The following CEP170B variants were observed in gnomAD, a reference collection of about 807,000 sequenced individuals.
CEP170B encodes centrosomal protein of 170 kDa protein B.
In CEP170B, 55 loss-of-function variants were observed where a neutral mutation model predicts 120.6. That is an observed-to-expected ratio of 0.46 (90% CI 0.37 to 0.57). CEP170B has a LOEUF of 0.57. Among genes scored for constraint, CEP170B ranks in the 20% least tolerant of loss-of-function variants. The pLI, the probability that CEP170B is intolerant of heterozygous loss-of-function variation, is 0.00. For missense variants in CEP170B, 2,212 were observed against 2,253.3 expected, an observed-to-expected ratio of 0.98 and a Z score of 0.37; for synonymous variants, 1,033 against 954.5, an observed-to-expected ratio of 1.08 and a Z score of -1.52.
chr14:104,884,371 C>T lies in CEP170B; in HGVS notation c.1592C>T (p.Thr531Ile), dbSNP rs1194613726. 12 of 1,546,388 alleles carry T rather than the reference C, an allele frequency of 7.8e-6. No homozygotes were observed. Among genetic ancestry groups the T allele is most frequent in the Non-Finnish European group, 1.0e-5 (12 of 1,146,042 alleles). ...CCTCCGGTGCTGCCCGCTCCCCTGA[C>T]ACCCCATGGGACCAGCCCCGTGGGC... ...KVPPVLPAPL[T>I]PHGTSPVGPP... The change falls in exon 9 of 19, where the codon ACA (threonine) becomes ATA (isoleucine). Residue 531 changes from threonine (T) to isoleucine (I), a missense_variant. Around this residue, in one of 2 missense-constraint regions of CEP170B, gnomAD observed 2,166 missense variants for 2,166.7 expected, o/e 1.00. Transcript: ENST00000414716.
At chr14:104,892,875 C>A in intron 13 of CEP170B, 101 bp from the exon 14 acceptor site, 1 of 1,341,690 alleles carries the variant, frequency 7.5e-7, no homozygotes, top group Non-Finnish European at 1.0e-6. Context: ...CACCTCTGGC[C>A]AGCAGCTGCC....
intron 11 of CEP170B, 52 bp from the exon 12 acceptor site, chr14:104,886,223 G>A: frequency 6.8e-7 from 1 of 1,474,804 alleles, no homozygotes; most frequent in South Asian, 1.3e-5. Context: ...TCCTGAGCGT[G>A]GAGGGCCTGC....
At position 104,887,588 on chromosome 14, in the gene CEP170B, A is replaced by G; in HGVS notation, c.3349A>G (p.Thr1117Ala). 5 of 1,586,018 alleles carry G rather than the reference A, an allele frequency of 3.2e-6. No homozygotes were observed. The highest frequency in any genetic ancestry group is 4.3e-6 in the Non-Finnish European group (5 of 1,167,800). The stretch of plus-strand genomic sequence containing the variant: ...CTTGACCCGCTCCAACAGCCTGTCC[A>G]CCCCTCGCCCCACACGGGCCTCCCG... Reference protein sequence around the residue: ...QALTRSNSLSTPRPTRASRLR... With the variant: ...QALTRSNSLSAPRPTRASRLR... The change falls in exon 12 of 19, where the codon ACC becomes GCC. Residue 1117 changes from threonine (T) to alanine (A), a missense_variant. By Grantham distance (58) the Thr-to-Ala change is moderately conservative. Coordinates refer to ENST00000414716, the MANE Select transcript of CEP170B (RefSeq NM_001112726.3).
rs920287635 is a variant in CEP170B at position 104,868,486 on chromosome 14, C to T, written c.36C>T (p.Ser12=). ...SATSWFLVSS[S]GARHRLPREL... is the part of the protein sequence containing the mutation. Reference sequence around the variant, plus strand: ...CGTCCTGGTTCCTGGTGAGCAGCAGCGGCGCCCGCCACCGGCTCCCTCGGG... The same window carrying T: ...CGTCCTGGTTCCTGGTGAGCAGCAGTGGCGCCCGCCACCGGCTCCCTCGGG... Residue 12 remains serine, a synonymous_variant, in exon 2 of 19, where the codon AGC becomes AGT. Transcript: ENST00000414716. The surrounding 1 kb of genome is among the most constrained non-coding windows in gnomAD (Gnocchi z 5.9). 5 of 1,549,206 alleles carry T rather than the reference C, an allele frequency of 3.2e-6. No individual in the cohort carries two copies. Among genetic ancestry groups the T allele is most frequent in the East Asian group, 2.4e-5 (1 of 40,916 alleles).
intron 14 of CEP170B, 104 bp from the exon 15 acceptor site, chr14:104,893,419 G>A: frequency 7.3e-7 from 1 of 1,378,162 alleles, no homozygotes; most frequent in Non-Finnish European, 9.9e-7. Flanking sequence ...CAGACGGAAG[G>A]TGGGTGTGCT....
chr14:104,869,784 T>A (rs975885138), intron 2 of CEP170B, among the ~76,000 whole-genome samples: 10 of 152,234 alleles, frequency 6.6e-5, no homozygotes, highest in African/African-American at 1.9e-4. Context: ...GACAGGGCCC[T>A]CTCCAGACAC....
rs1555390695 is a variant in CEP170B, at chr14:104,872,480, C to CCGT, written c.106-3776_106-3775insCGT. On this transcript the variant is annotated intron_variant, in intron 2 of 18. Coordinates refer to ENST00000414716, the MANE Select transcript of CEP170B (RefSeq NM_001112726.3). The stretch of plus-strand genomic sequence containing the variant: ...TGCGTGTGGGTGTGCCGTGTGTGTG[C>CCGT]GTGTGTGCCGTGTGTGTGTGCGTGT... Among the ~76,000 whole-genome samples, 20 of 73,436 alleles carry CCGT rather than the reference C, an allele frequency of 2.7e-4. 1 individual carries two copies. Among genetic ancestry groups the CCGT allele is most frequent in the African/African-American group, 1.5e-3 (20 of 13,592 alleles). 48.2% of individuals were successfully genotyped at this position (73,436 alleles called of 152,430 possible).
Position 104,887,051 on chromosome 14 carries a change from GA to G in CEP170B, c.2813del (p.Glu938GlyfsTer94). 1 of 1,611,472 alleles carries G rather than the reference GA, an allele frequency of 6.2e-7. No individual in the cohort carries two copies. Among genetic ancestry groups the G allele is most frequent in the Non-Finnish European group, 8.5e-7 (1 of 1,179,812 alleles). On this transcript the variant is annotated frameshift_variant, in exon 12 of 19. Transcript: ENST00000414716. LOFTEE classifies it high-confidence loss of function. ...CTCTAATTCTGTGGATGCCGAGTGT[GA>G]GGGGGGCAGCACCCCGAGGCCGCCG... Reference protein sequence around the residue: ...LLSNSVDAECEGGSTPRPPED... With the variant: ...LLSNSVDAECXGGSTPRPPED...
chr14:104,872,493 T>C (rs1436542072), intron 2 of CEP170B, among the ~76,000 whole-genome samples: 46 of 80,474 alleles, frequency 5.7e-4, no homozygotes, highest in African/African-American at 1.4e-3. Flanking sequence ...GTGTGCCGTG[T>C]GTGTGTGCGT....
intron 14 of CEP170B, 34 bp from the exon 15 acceptor site, chr14:104,893,489 C>T: frequency 6.3e-7 from 1 of 1,582,196 alleles, no homozygotes; most frequent in Non-Finnish European, 8.6e-7. Context: ...GAGCCTCTGC[C>T]TGGGGCCCAC....
rs1895292525 is a variant in CEP170B, at chr14:104,868,300, C to T, written c.-27-124C>T. The T allele has an allele frequency of 1.5e-6, 1 of 682,026 alleles. No individual in the cohort carries two copies. The highest frequency in any genetic ancestry group is 1.9e-5 in the South Asian group (1 of 52,298). The allele number at this position is 682,026 out of a possible 1,614,324, so 42.2% of individuals were successfully genotyped here. A position where few individuals can be genotyped will look rare whatever the true frequency, so the allele number is the denominator to read the frequency against. The stretch of plus-strand genomic sequence containing the variant: ...GGCGGGTGGCCTGATGAGGCTGGAG[C>T]CCAGCTTCTCCGGAAGCTGCCAGCT... On this transcript the variant is annotated intron_variant, in intron 1 of 18. Coordinates refer to ENST00000414716, the MANE Select transcript of CEP170B (RefSeq NM_001112726.3). This position sits in a 1 kb window ranked among gnomAD's most constrained non-coding sequence, Gnocchi z 5.9.
At position 104,893,507 on chromosome 14, in the gene CEP170B, G is replaced by A. The variant is rs1394861647; in HGVS notation, c.4039-16G>A. ...CCTCTGCCTGGGGCCCACGGTGCCG[G>A]CCCTCCCTCTTGCAGCTGGTGCAGC... On this transcript the variant is annotated splice_polypyrimidine_tract_variant and intron_variant, in intron 14 of 18. Transcript: ENST00000414716. 1.3e-5 allele frequency: 20 copies of A among 1,597,538 alleles called. No individual in the cohort carries two copies. Among genetic ancestry groups the A allele is most frequent in the Non-Finnish European group, 1.6e-5 (19 of 1,173,950 alleles).
At position 104,886,951 on chromosome 14, in the gene CEP170B, C is replaced by T; in HGVS notation, c.2712C>T (p.Asp904=). ...DLAATRAARM[D]FHSQDTHLIL... Reference sequence around the variant, plus strand: ...CCGCTACCCGGGCCGCACGCATGGACTTCCACTCCCAGGACACCCACCTGA... The same window carrying T: ...CCGCTACCCGGGCCGCACGCATGGATTTCCACTCCCAGGACACCCACCTGA... Residue 904 remains aspartate, a synonymous_variant, in exon 12 of 19, where the codon GAC becomes GAT. Transcript: ENST00000414716. 3.1e-6 allele frequency: 5 copies of T among 1,608,802 alleles called. No individual in the cohort carries two copies. Among genetic ancestry groups the T allele is most frequent in the Non-Finnish European group, 4.2e-6 (5 of 1,179,800 alleles).
At chr14:104,866,998 G>A (rs776814201) in intron 1 of CEP170B, among the ~76,000 whole-genome samples, 6 of 152,178 alleles carry the variant, frequency 3.9e-5, no homozygotes, top group East Asian at 1.9e-4. Flanking sequence ...CTCTGGGGCC[G>A]GCCTCACAGG....
rs771212642 is a variant in CEP170B, at chr14:104,883,459, C to T, written c.1002C>T (p.Asp334=). 2 of 1,561,062 alleles carry T rather than the reference C, an allele frequency of 1.3e-6. No homozygotes were observed. Among genetic ancestry groups the T allele is most frequent in the Non-Finnish European group, 1.7e-6 (2 of 1,154,010 alleles). ...TGCACCGGGTTGGCCCTGGGGATGACCGCCACAGCACCAAGAGCGACCTGC... is the reference window on the plus strand; with the variant it reads ...TGCACCGGGTTGGCCCTGGGGATGATCGCCACAGCACCAAGAGCGACCTGC... The part of the protein sequence containing the change: ...SLLHRVGPGD[D]RHSTKSDLPV... The change falls in exon 8 of 19, where the codon GAC becomes GAT. Residue 334 remains aspartate (D), a synonymous_variant. Coordinates refer to ENST00000414716, the MANE Select transcript of CEP170B (RefSeq NM_001112726.3).
chr14:104,893,149 T>C lies in CEP170B; in HGVS notation c.4038+14T>C. The C allele has an allele frequency of 1.9e-6, 3 of 1,603,044 alleles. No homozygotes were observed. Among genetic ancestry groups the C allele is most frequent in the Non-Finnish European group, 2.6e-6 (3 of 1,175,910 alleles). ...GCCCGGGAGGAGGTGAGCCCCAGGC[T>C]TTCTGAGGCCCCTGTGCCAGAGCCA... On this transcript the variant is annotated intron_variant, in intron 14 of 18. Transcript: ENST00000414716.
In CEP170B at chr14:104,886,749, A is replaced by G. The variant is rs200187443; in HGVS notation, c.2510A>G (p.Tyr837Cys). 2.4e-5 allele frequency: 38 copies of G among 1,611,256 alleles called. No homozygotes were observed. In the East Asian group the frequency reaches 3.3e-4, roughly 14 times the overall value. ...AGCCCCCCAGCACGGGATGGCGTCTATGTCAGTGCCAATGGGAGAATGGTC... is the reference window on the plus strand; with the variant it reads ...AGCCCCCCAGCACGGGATGGCGTCTGTGTCAGTGCCAATGGGAGAATGGTC... ...QPSPPARDGV[Y>C]VSANGRMVIQ... is the part of the protein sequence containing the mutation. Residue 837 changes from tyrosine to cysteine, a missense_variant, in exon 12 of 19, where the codon TAT becomes TGT. By Grantham distance (194) the Tyr-to-Cys change is radical. Coordinates refer to ENST00000414716, the MANE Select transcript of CEP170B (RefSeq NM_001112726.3).
At chr14:104,878,818 C>T (rs1895996250) in intron 5 of CEP170B, among the ~76,000 whole-genome samples, 2 of 152,220 alleles carry the variant, frequency 1.3e-5, no homozygotes, top group African/African-American at 4.8e-5. Context: ...GCTGCATGGT[C>T]AGCCTGCTGG....
At position 104,865,362 on chromosome 14, in the gene CEP170B, C is replaced by T. The variant is rs1175613511; in HGVS notation, c.-179C>T. 6.9e-6 allele frequency: 1 copy of T among 145,600 alleles called. No homozygotes were observed. The highest frequency in any genetic ancestry group is 2.6e-5 in the African/African-American group (1 of 38,910). The allele number at this position is 145,600 out of a possible 1,614,324, so 9.0% of individuals were successfully genotyped here. On this transcript the variant is annotated 5_prime_UTR_variant, in exon 1 of 19. Transcript: ENST00000414716. This position sits in a 1 kb window ranked among gnomAD's most constrained non-coding sequence, Gnocchi z 6.7. ...AGCGTGCGGGCCTCGCCGGGCATGTCCTAGGCGGCGGCCCCGCCCAGCGCT... is the reference window on the plus strand; with the variant it reads ...AGCGTGCGGGCCTCGCCGGGCATGTTCTAGGCGGCGGCCCCGCCCAGCGCT...
Sources: gnomAD v4.1 joint callset for allele counts (sites outside exome capture counted in the v4.1 genomes callset) on GRCh38, gnomAD v4.1.1 for gene constraint, gnomAD v4.1.1 regional missense constraint, Gnocchi (gnomAD v3.1) non-coding constraint, MANE v1.5 for transcripts, NCBI Gene and HGNC (gene_info 2026-07-23, HGNC 2026-07-21) for gene names.